Variants in MYO16 observed in about 807,000 individuals in gnomAD.
MYO16 encodes myosin XVI.
Under a neutral mutation model 205.3 loss-of-function variants are expected in MYO16, and 94 were observed. That is an observed-to-expected ratio of 0.46 (90% confidence interval 0.39 to 0.54). The LOEUF (loss-of-function observed/expected upper bound fraction) is 0.54, where lower values mean the gene tolerates loss of function less well. Among genes scored for constraint, MYO16 ranks in the 20% least tolerant of loss-of-function variants. MYO16 has a pLI of 0.00. For synonymous variants in MYO16, 988 were observed against 954.0 expected (o/e 1.04, Z -0.66); for missense variants, 2,315 against 2,387.5 (o/e 0.97, Z 0.63).
At chr13:109,155,236 G>T (rs866685365) in intron 32 of MYO16, among the ~76,000 whole-genome samples, 1 of 152,230 alleles carries the variant, frequency 6.6e-6, no homozygotes, top group East Asian at 1.9e-4. Flanking sequence ...TTGGCGGGGG[G>T]GTGGGTGACA....
At chr13:108,652,141 A>ATGTG (rs201166204) in intron 1 of MYO16, among the ~76,000 whole-genome samples, 1 of 148,408 alleles carries the variant, frequency 6.7e-6, no homozygotes, top group Non-Finnish European at 1.5e-5. Context: ...ACAGATACCA[A>ATGTG]TGTGTGTGTG....
At chr13:108,542,225 A>C in the MYO16 span, among the ~76,000 whole-genome samples, 1 of 152,286 alleles carries the variant, frequency 6.6e-6, no homozygotes, top group Non-Finnish European at 1.5e-5. Flanking sequence ...GAAACAAACA[A>C]ACAAAAAATC....
intron 7 of MYO16, among the ~76,000 whole-genome samples, chr13:108,819,438 T>A (rs536311451): frequency 1.3e-5 from 2 of 152,300 alleles, no homozygotes; most frequent in Admixed American, 6.5e-5. Flanking sequence ...TACTTTCATA[T>A]GTGTGTGCTA....
chr13:108,565,191 A>G, the MYO16 span, among the ~76,000 whole-genome samples: 2 of 152,300 alleles, frequency 1.3e-5, no homozygotes, highest in Admixed American at 1.3e-4. Flanking sequence ...AGGATCTTCT[A>G]TTTAGATTCT....
the MYO16 span, among the ~76,000 whole-genome samples, chr13:108,520,627 T>G: frequency 7.4e-6 from 1 of 135,414 alleles, no homozygotes; most frequent in African/African-American, 3.3e-5. Flanking sequence ...ATCCGATACA[T>G]TTTTACAATT....
chr13:108,954,319 C>G (rs900005206), intron 16 of MYO16, among the ~76,000 whole-genome samples: 1 of 152,026 alleles, frequency 6.6e-6, no homozygotes, highest in African/African-American at 2.4e-5. Flanking sequence ...CAAGTGGCCC[C>G]TCAATGGATT....
chr13:108,814,744 A>G (rs1566346713), intron 7 of MYO16, among the ~76,000 whole-genome samples: 1 of 152,164 alleles, frequency 6.6e-6, no homozygotes, highest in African/African-American at 2.4e-5. Flanking sequence ...AATAGGGCAT[A>G]CTATTGAAAA....
rs548697118 is a variant in MYO16 at position 108,752,049 on chromosome 13, C to A, written c.507+24466C>A. On this transcript the variant is annotated intron_variant, in intron 4 of 34. Transcript: ENST00000457511. ...TAGTTCATTAATTATAATAGTTATA[C>A]CATACTAATGTGAGAATTGGGAATT... is the stretch of plus-strand genomic sequence containing the variant. Among the ~76,000 whole-genome samples the A allele has an allele frequency of 3.3e-5, 5 of 152,162 alleles. No homozygotes were observed. In the South Asian group the frequency reaches 1.0e-3, roughly 32 times the overall value.
At chr13:108,550,741 C>A in the MYO16 span, among the ~76,000 whole-genome samples, 1 of 152,116 alleles carries the variant, frequency 6.6e-6, no homozygotes, top group South Asian at 2.1e-4. Flanking sequence ...TTGGAAAAAA[C>A]AAAACAAAGC....
At chr13:109,100,312 A>C (rs991422456) in intron 27 of MYO16, among the ~76,000 whole-genome samples, 4 of 152,212 alleles carry the variant, frequency 2.6e-5, no homozygotes, top group African/African-American at 9.6e-5. Context: ...ATGGGGAAGA[A>C]GCGATTCTAC....
At chr13:109,150,693 C>T (rs1191360516) in intron 32 of MYO16, among the ~76,000 whole-genome samples, 1 of 152,176 alleles carries the variant, frequency 6.6e-6, no homozygotes, top group Non-Finnish European at 1.5e-5. Context: ...TCTATTGCAC[C>T]TGAAATTCTG....
intron 12 of MYO16, 122 bp downstream of exon 12, chr13:108,866,364 T>A: frequency 3.7e-6 from 2 of 547,200 alleles, no homozygotes; most frequent in Non-Finnish European, 3.1e-6. Flanking sequence ...AAATTCTGAA[T>A]TGAATGATTG....
At chr13:109,022,436 G>A (rs1169531625) in intron 23 of MYO16, among the ~76,000 whole-genome samples, 1 of 125,996 alleles carries the variant, frequency 7.9e-6, no homozygotes, top group African/African-American at 3.0e-5. Context: ...ATAAACATAT[G>A]TATATATTTA....
At chr13:108,799,725 T>A (rs1160831019) in intron 6 of MYO16, among the ~76,000 whole-genome samples, 4 of 152,178 alleles carry the variant, frequency 2.6e-5, no homozygotes, top group Non-Finnish European at 5.9e-5. Context: ...GTGAGTTTAG[T>A]TAAATGTTAA....
At chr13:108,817,433 TTATC>T (rs1243596029) in intron 7 of MYO16, among the ~76,000 whole-genome samples, 5 of 152,206 alleles carry the variant, frequency 3.3e-5, no homozygotes, top group African/African-American at 1.2e-4. Context: ...TGTGTTTTAT[TTATC>T]TGAAGTTTAA....
chr13:108,866,946 G>C (rs571266733), intron 12 of MYO16, among the ~76,000 whole-genome samples: 1 of 152,212 alleles, frequency 6.6e-6, no homozygotes, highest in East Asian at 1.9e-4. Context: ...GAGAAAAAAA[G>C]AGAAATTCCT....
At chr13:109,174,354 AAAG>A (rs1566548678) in intron 33 of MYO16, among the ~76,000 whole-genome samples, 1 of 152,220 alleles carries the variant, frequency 6.6e-6, no homozygotes, top group Non-Finnish European at 1.5e-5. Context: ...CAGAATTTTT[AAAG>A]AAGCTGGAGA....
intron 9 of MYO16, among the ~76,000 whole-genome samples, chr13:108,823,893 A>G (rs1170624465): frequency 6.6e-6 from 1 of 152,112 alleles, no homozygotes; most frequent in African/African-American, 2.4e-5. Context: ...ATGGATATAC[A>G]AACACAGGTG....
chr13:109,083,799 G>A (rs1888354061), intron 27 of MYO16, among the ~76,000 whole-genome samples: 1 of 152,178 alleles, frequency 6.6e-6, no homozygotes, highest in Non-Finnish European at 1.5e-5. Flanking sequence ...GCATGAGAGA[G>A]TTTTCAAGGG....
Sources: allele counts gnomAD v4.1 joint callset (sites outside exome capture counted in the v4.1 genomes callset), GRCh38; gene constraint gnomAD v4.1.1; transcripts MANE v1.5; gene names NCBI Gene and HGNC (gene_info 2026-07-23, HGNC 2026-07-21).